Variants in SUPT3H observed in about 807,000 individuals in gnomAD.
SUPT3H encodes the protein SPT3 homolog, SAGA and STAGA complex component.
Under a neutral mutation model 44.3 loss-of-function variants are expected in SUPT3H, and 44 were observed. That is an observed-to-expected ratio of 0.99 (90% confidence interval 0.78 to 1.28). The LOEUF (loss-of-function observed/expected upper bound fraction) is 1.28. SUPT3H is among the 50% of genes most tolerant of loss of function. The pLI is 0.00. For missense variants in SUPT3H, 380 were observed against 387.1 expected (o/e 0.98, Z 0.15); for synonymous variants, 124 against 125.6 (o/e 0.99, Z 0.09).
intron 6 of SUPT3H, among the ~76,000 whole-genome samples, chr6:44,964,083 T>C (rs1776451113): frequency 6.6e-6 from 1 of 152,176 alleles, no homozygotes; most frequent in Non-Finnish European, 1.5e-5. Flanking sequence ...TATGTACGTA[T>C]GTTTGTGTAT....
chr6:45,188,311 T>C (rs1258475420), intron 2 of SUPT3H, among the ~76,000 whole-genome samples: 1 of 152,242 alleles, frequency 6.6e-6, no homozygotes, highest in Admixed American at 6.5e-5. Flanking sequence ...CTAAGACGTA[T>C]AGTAAGAACG....
At chr6:45,240,070 G>T (rs1187502000) in intron 2 of SUPT3H, among the ~76,000 whole-genome samples, 1 of 152,096 alleles carries the variant, frequency 6.6e-6, no homozygotes, top group East Asian at 1.9e-4. Context: ...ATAATAACTT[G>T]GGGTAGAGGT....
intron 3 of SUPT3H, among the ~76,000 whole-genome samples, chr6:45,051,665 TAC>T (rs1790320122): frequency 6.6e-6 from 1 of 152,188 alleles, no homozygotes; most frequent in Admixed American, 6.5e-5. Context: ...GCTGCATTGG[TAC>T]AGTTTAAAAG....
intron 2 of SUPT3H, among the ~76,000 whole-genome samples, chr6:45,255,219 C>A (rs778567917): frequency 6.6e-6 from 1 of 152,046 alleles, no homozygotes; most frequent in Non-Finnish European, 1.5e-5. Flanking sequence ...AGATTTCAGG[C>A]ATGCACTAAG....
rs776693048 is a variant in SUPT3H at position 45,010,376 on chromosome 6, A to G, written c.364+4425T>C. On this transcript the variant is annotated intron_variant, in intron 5 of 10. Coordinates refer to ENST00000371459, the MANE Select transcript of SUPT3H (RefSeq NM_003599.4). ...TAAAACCTTCAGTACAATATTGCAT[A>G]TAAGTGCCATTAATGGACATCTTTG... 4.6e-5 allele frequency among the ~76,000 whole-genome samples: 7 copies of G among 152,262 alleles called. 2 individuals are homozygous for G. Among genetic ancestry groups the G allele is most frequent in the East Asian group, 1.9e-4 (1 of 5,186 alleles).
chr6:44,869,025 C>T (rs1194796643), intron 10 of SUPT3H, among the ~76,000 whole-genome samples: 1 of 152,160 alleles, frequency 6.6e-6, no homozygotes, highest in Non-Finnish European at 1.5e-5. Context: ...TTTCTATTAC[C>T]CATTTCCACA....
Position 45,095,479 on chromosome 6 carries a change from C to T in SUPT3H, c.186+10443G>A, listed in dbSNP as rs1007339549. Among the ~76,000 whole-genome samples, 2 of 152,012 alleles carry T rather than the reference C, an allele frequency of 1.3e-5. No individual in the cohort carries two copies. The highest frequency in any genetic ancestry group is 2.4e-5 in the African/African-American group (1 of 41,388). On this transcript the variant is annotated intron_variant, in intron 3 of 10. Coordinates refer to ENST00000371459, the MANE Select transcript of SUPT3H (RefSeq NM_003599.4). The surrounding 1 kb of genome is among the most constrained non-coding windows in gnomAD (Gnocchi z 4.1). ...ATTTTAATCCAGATCGGAGATTAAG[C>T]CATAACTCTTCACACTTATAAATTT...
intron 3 of SUPT3H, among the ~76,000 whole-genome samples, chr6:45,104,570 TA>T (rs1296985941): frequency 1.3e-5 from 2 of 152,082 alleles, no homozygotes; most frequent in African/African-American, 4.8e-5. Flanking sequence ...GGATTTCTTT[TA>T]ATTTGTTCTA....
intron 2 of SUPT3H, among the ~76,000 whole-genome samples, chr6:45,226,548 A>C (rs1766972150): frequency 6.6e-6 from 1 of 151,902 alleles, no homozygotes; most frequent in African/African-American, 2.4e-5. Flanking sequence ...TACAAAAAAA[A>C]ATTTTTTCTT....
chr6:45,303,158 T>C (rs1782424313), intron 2 of SUPT3H, among the ~76,000 whole-genome samples: 1 of 152,066 alleles, frequency 6.6e-6, no homozygotes, highest in Non-Finnish European at 1.5e-5. Context: ...CCTGAAACTA[T>C]AAAAATACTC....
intron 10 of SUPT3H, among the ~76,000 whole-genome samples, chr6:44,834,637 A>T (rs560081521): frequency 6.6e-6 from 1 of 152,300 alleles, no homozygotes; most frequent in African/African-American, 2.4e-5. Context: ...TTAACAGATG[A>T]AAAAACTAAT....
chr6:45,220,837 T>C (rs1322753860), intron 2 of SUPT3H, among the ~76,000 whole-genome samples: 2 of 152,158 alleles, frequency 1.3e-5, no homozygotes, highest in African/African-American at 2.4e-5. Flanking sequence ...GATCTAGAAC[T>C]GGAAATACCA....
intron 3 of SUPT3H, among the ~76,000 whole-genome samples, chr6:45,092,713 G>A (rs967505402): frequency 1.5e-5 from 2 of 137,172 alleles, no homozygotes; most frequent in African/African-American, 5.7e-5. Flanking sequence ...TTGTGCCATC[G>A]CACTCCAGCC....
intron 2 of SUPT3H, among the ~76,000 whole-genome samples, chr6:45,272,177 T>C (rs1000276101): frequency 1.3e-5 from 2 of 152,136 alleles, no homozygotes; most frequent in African/African-American, 4.8e-5. Flanking sequence ...GTTAAGACTT[T>C]GGGAGACTGT....
intron 3 of SUPT3H, among the ~76,000 whole-genome samples, chr6:45,065,226 A>C (rs1793040646): frequency 6.6e-6 from 1 of 150,688 alleles, no homozygotes; most frequent in Non-Finnish European, 1.5e-5. Flanking sequence ...TACATAACGA[A>C]ATGAAGGCAG....
chr6:44,928,882 C>CAAAAAA (rs35656937), intron 10 of SUPT3H, among the ~76,000 whole-genome samples: 8 of 20,626 alleles, frequency 3.9e-4, no homozygotes, highest in African/African-American at 9.4e-4. Flanking sequence ...GACTCCGTCT[C>CAAAAAA]AAAAAAAAAA....
chr6:44,984,087 G>T (rs1779454646), intron 6 of SUPT3H, among the ~76,000 whole-genome samples: 1 of 152,160 alleles, frequency 6.6e-6, no homozygotes, highest in South Asian at 2.1e-4. Flanking sequence ...GGCACTGTCT[G>T]CCTCCTCTTG....
intron 3 of SUPT3H, among the ~76,000 whole-genome samples, chr6:45,074,115 A>C (rs192165904): frequency 5.5e-4 from 84 of 152,128 alleles, no homozygotes; most frequent in Admixed American, 2.6e-3. Flanking sequence ...TTATGTCCAA[A>C]AATGTTGCTG....
intron 2 of SUPT3H, among the ~76,000 whole-genome samples, chr6:45,185,371 A>G (rs1284971): frequency 0.035 from 5,330 of 152,266 alleles, 124 homozygotes; most frequent in Non-Finnish European, 0.056. Context: ...CTGATGCCCA[A>G]TGGAAGCTGG....
Sources: allele counts gnomAD v4.1 joint callset (sites outside exome capture counted in the v4.1 genomes callset), GRCh38; gene constraint gnomAD v4.1.1; non-coding constraint Gnocchi (gnomAD v3.1); transcripts MANE v1.5; gene names NCBI Gene and HGNC (gene_info 2026-07-23, HGNC 2026-07-21).